GRID2: variants seen among roughly 807,000 people sequenced by gnomAD.
GRID2 encodes the protein glutamate ionotropic receptor delta type subunit 2, also known as glutamate receptor ionotropic, delta-2.
A neutral mutation model predicts 114.8 loss-of-function variants in GRID2; 33 were observed. The ratio of observed to expected loss-of-function variants is 0.29; its 90% confidence interval spans 0.22 to 0.38. The LOEUF is 0.38. Among genes scored for constraint, GRID2 ranks in the 10% least tolerant of loss-of-function variants. The pLI is 1.00. For synonymous variants in GRID2, 505 were observed against 449.9 expected (o/e 1.12, Z -1.55); for missense variants, 1,184 against 1,257.7 (o/e 0.94, Z 0.89).
chr4:92,755,780 T>C (rs549872313), intron 2 of GRID2, among the ~76,000 whole-genome samples: 1 of 152,162 alleles, frequency 6.6e-6, no homozygotes, highest in Admixed American at 6.6e-5. Context: ...TTATTCTGAG[T>C]GTATATCATT....
chr4:93,093,011 A>G (rs1275283744), intron 3 of GRID2, among the ~76,000 whole-genome samples: 1 of 151,954 alleles, frequency 6.6e-6, no homozygotes, highest in African/African-American at 2.4e-5. Flanking sequence ...AACTACAACG[A>G]ACACTTTCAG....
chr4:93,266,445 C>T (rs1165082431), intron 8 of GRID2, among the ~76,000 whole-genome samples: 1 of 152,076 alleles, frequency 6.6e-6, no homozygotes, highest in Non-Finnish European at 1.5e-5. Flanking sequence ...CACACACACA[C>T]ATCCACCTGT....
chr4:92,956,264 A>G (rs1463351753), intron 2 of GRID2, among the ~76,000 whole-genome samples: 3 of 152,222 alleles, frequency 2.0e-5, no homozygotes, highest in African/African-American at 7.2e-5. Flanking sequence ...AGTTAAAGTT[A>G]GAACTCACTT....
intron 4 of GRID2, among the ~76,000 whole-genome samples, chr4:93,193,366 G>A (rs1362037966): frequency 1.3e-5 from 2 of 152,094 alleles, no homozygotes; most frequent in African/African-American, 4.8e-5. Context: ...GAGAGACCCG[G>A]TGGGAGGTAA....
chr4:92,389,733 G>A (rs1037593745), intron 1 of GRID2, among the ~76,000 whole-genome samples: 2 of 152,026 alleles, frequency 1.3e-5, no homozygotes, highest in African/African-American at 4.8e-5. Flanking sequence ...ATGGAACTGG[G>A]TAGGCTTATT....
intron 1 of GRID2, among the ~76,000 whole-genome samples, chr4:92,585,288 G>A (rs1251956514): frequency 1.3e-5 from 2 of 151,974 alleles, no homozygotes; most frequent in East Asian, 3.8e-4. Context: ...TTCATTGCAT[G>A]TAGCATCTTT....
rs147109215 is a variant in GRID2, at chr4:93,215,641, C to T, written c.790-1097C>T. Among the ~76,000 whole-genome samples the T allele has an allele frequency of 8.9e-3, 1,347 of 151,354 alleles. 20 individuals are homozygous for T. The highest frequency in any genetic ancestry group is 0.031 in the African/African-American group (1,279 of 41,226). ...ACTAGAGCTAGCTGATGGGAGGCAT[C>T]ATTTTATTTTCAGAAAAATCTACAC... On this transcript the variant is annotated intron_variant, in intron 5 of 15. Transcript: ENST00000282020.
chr4:93,594,707 C>T (rs1280969043), intron 13 of GRID2, among the ~76,000 whole-genome samples: 2 of 152,186 alleles, frequency 1.3e-5, no homozygotes, highest in Non-Finnish European at 2.9e-5. Context: ...ATCAATGAGA[C>T]TCCGTGGGGT....
chr4:93,359,260 A>T (rs924607710), intron 8 of GRID2, among the ~76,000 whole-genome samples: 1 of 151,788 alleles, frequency 6.6e-6, no homozygotes, highest in Non-Finnish European at 1.5e-5. Flanking sequence ...ACTTGTTTGC[A>T]ATTTTTTCAT....
intron 8 of GRID2, among the ~76,000 whole-genome samples, chr4:93,341,250 C>A (rs1206750946): frequency 2.0e-5 from 3 of 152,054 alleles, no homozygotes. Context: ...AACAGCATGT[C>A]TTCCATTTTG....
chr4:93,726,892 C>T (rs1416614575), intron 14 of GRID2, among the ~76,000 whole-genome samples: 2 of 152,154 alleles, frequency 1.3e-5, no homozygotes, highest in African/African-American at 2.4e-5. Flanking sequence ...TGGGCTGAGA[C>T]GATGGGGTTC....
At chr4:92,408,333 A>G (rs1731123861) in intron 1 of GRID2, among the ~76,000 whole-genome samples, 2 of 143,348 alleles carry the variant, frequency 1.4e-5, no homozygotes, top group Admixed American at 1.4e-4. Context: ...CCATGCTGTT[A>G]TGGTTAATGT....
intron 2 of GRID2, among the ~76,000 whole-genome samples, chr4:92,767,059 A>G (rs1028660431): frequency 3.9e-5 from 6 of 152,190 alleles, no homozygotes; most frequent in African/African-American, 1.4e-4. Flanking sequence ...ATTTTGGTCA[A>G]TGGGATATGA....
intron 3 of GRID2, among the ~76,000 whole-genome samples, chr4:93,102,872 T>C (rs1174463533): frequency 6.6e-6 from 1 of 151,514 alleles, no homozygotes; most frequent in Non-Finnish European, 1.5e-5. Flanking sequence ...CAGTGTGTTT[T>C]CCCCTAGATA....
At chr4:93,084,178 C>T (rs1334220449) in intron 2 of GRID2, among the ~76,000 whole-genome samples, 1 of 152,086 alleles carries the variant, frequency 6.6e-6, no homozygotes, top group African/African-American at 2.4e-5. Flanking sequence ...ATTACCTCTT[C>T]ACTCTTTTTT....
chr4:93,652,474 T>C (rs888714403), intron 14 of GRID2, among the ~76,000 whole-genome samples: 4 of 152,134 alleles, frequency 2.6e-5, no homozygotes, highest in Non-Finnish European at 5.9e-5. Context: ...CAAATACCTA[T>C]CATTGTGTTA....
At chr4:92,544,537 T>C (rs1726142420) in intron 1 of GRID2, among the ~76,000 whole-genome samples, 1 of 152,106 alleles carries the variant, frequency 6.6e-6, no homozygotes, top group African/African-American at 2.4e-5. Flanking sequence ...ACTCAATGCT[T>C]TTAATTGATT....
intron 2 of GRID2, among the ~76,000 whole-genome samples, chr4:92,755,625 G>C (rs1443203322): frequency 1.3e-5 from 2 of 152,086 alleles, no homozygotes; most frequent in Non-Finnish European, 2.9e-5. Context: ...CAAAAAGCTT[G>C]AGTCAGGAAA....
chr4:93,233,501 C>A (rs1371679985), intron 7 of GRID2, among the ~76,000 whole-genome samples: 1 of 151,734 alleles, frequency 6.6e-6, no homozygotes. Context: ...CACCACCACA[C>A]CTGGCTAATT....
Sources: allele counts gnomAD v4.1 joint callset (sites outside exome capture counted in the v4.1 genomes callset), GRCh38; gene constraint gnomAD v4.1.1; transcripts MANE v1.5; gene names NCBI Gene and HGNC (gene_info 2026-07-23, HGNC 2026-07-21).